Variants in FAM13B observed in about 807,000 individuals in gnomAD.
FAM13B encodes the protein protein FAM13B.
FAM13B carries 60 observed loss-of-function variants against 117.3 expected under a neutral mutation model. The ratio of observed to expected loss-of-function variants is 0.51; its 90% CI spans 0.42 to 0.63. The LOEUF is 0.63. FAM13B is among the 30% of genes least tolerant of loss of function. FAM13B has a pLI of 0.00. For synonymous variants in FAM13B, 332 were observed against 356.1 expected (o/e 0.93, Z 0.76); for missense variants, 972 against 1,091.9 (o/e 0.89, Z 1.55).
chr5:138,022,853 G>A (rs1483978690), intron 1 of FAM13B, among the ~76,000 whole-genome samples: 1 of 150,100 alleles, frequency 6.7e-6, no homozygotes, highest in African/African-American at 2.5e-5. Flanking sequence ...TTTCGAGACA[G>A]GGTCTCACTC....
chr5:138,011,568 C>T (rs959466329), intron 5 of FAM13B, among the ~76,000 whole-genome samples, 200 bp downstream of exon 5: 1 of 151,924 alleles, frequency 6.6e-6, no homozygotes, highest in South Asian at 2.1e-4. Flanking sequence ...TACAGGCACC[C>T]GCCACCATGC....
chr5:138,002,397 G>A (rs1380935584), intron 7 of FAM13B, among the ~76,000 whole-genome samples: 1 of 151,866 alleles, frequency 6.6e-6, no homozygotes, highest in Non-Finnish European at 1.5e-5. Flanking sequence ...CAGGCATGGT[G>A]GTGGGCGCCT....
chr5:138,022,379 C>T (rs1036989461), intron 1 of FAM13B, among the ~76,000 whole-genome samples: 2 of 152,146 alleles, frequency 1.3e-5, no homozygotes, highest in Non-Finnish European at 2.9e-5. Context: ...TTTTAATAAG[C>T]TCAGTAAACT....
intron 23 of FAM13B, among the ~76,000 whole-genome samples, chr5:137,941,054 C>T (rs1249282075): frequency 6.6e-6 from 1 of 152,018 alleles, no homozygotes; most frequent in African/African-American, 2.4e-5. Context: ...TACAGGTGCC[C>T]GCCACCACGC....
At chr5:138,019,284 G>T in intron 2 of FAM13B, 138 bp from the exon 3 acceptor site, 1 of 685,166 alleles carries the variant, frequency 1.5e-6, no homozygotes, top group Non-Finnish European at 2.4e-6. Flanking sequence ...CCCATAGTGT[G>T]TTCTACAGAT....
At chr5:137,953,998 T>C (rs2150225269) in intron 15 of FAM13B, among the ~76,000 whole-genome samples, 168 bp downstream of exon 15, 1 of 151,026 alleles carries the variant, frequency 6.6e-6, no homozygotes, top group East Asian at 1.9e-4. Context: ...ATAAAATCAG[T>C]GAGAAAGCTC....
At chr5:138,028,235 G>T (rs1271787749) in intron 1 of FAM13B, among the ~76,000 whole-genome samples, 1 of 152,184 alleles carries the variant, frequency 6.6e-6, no homozygotes, top group Non-Finnish European at 1.5e-5. Context: ...AAAAAAAAGA[G>T]TAGAAGCTAT....
rs1011884563 is a variant in FAM13B at position 137,962,466 on chromosome 5, C to T, written c.1183G>A (p.Val395Ile). Residue 395 changes from valine (V) to isoleucine (I), a missense_variant, in exon 11 of 24, where the codon GTA (valine) becomes ATA (isoleucine). By Grantham distance (29) the Val-to-Ile change is conservative. Coordinates refer to ENST00000689681, the MANE Select transcript of FAM13B (RefSeq NM_001385994.1). Reference protein sequence around the residue: ...VFENEENTQSVGILLEPCSDR... With the variant: ...VFENEENTQSIGILLEPCSDR... ...CTGCATGGCTCTAACAATATACCTA[C>T]AGACTGACAAAAAGAACACTACCAT... The T allele has an allele frequency of 1.9e-6, 3 of 1,613,092 alleles. No homozygotes were observed. Among genetic ancestry groups the T allele is most frequent in the African/African-American group, 2.7e-5 (2 of 74,894 alleles).
At chr5:138,010,748 A>G (rs947736849) in intron 6 of FAM13B, among the ~76,000 whole-genome samples, 1 of 152,100 alleles carries the variant, frequency 6.6e-6, no homozygotes, top group Non-Finnish European at 1.5e-5. Context: ...AAAATAAACA[A>G]TAGGAAAAGA....
chr5:137,985,441 C>G, intron 9 of FAM13B, 52 bp from the exon 10 acceptor site: 1 of 1,538,578 alleles, frequency 6.5e-7, no homozygotes, highest in South Asian at 1.2e-5. Flanking sequence ...GTGTGTAATG[C>G]CTTTACTTTA....
At chr5:138,005,224 G>A (rs1006400152) in intron 7 of FAM13B, among the ~76,000 whole-genome samples, 2 of 152,206 alleles carry the variant, frequency 1.3e-5, no homozygotes, top group African/African-American at 4.8e-5. Flanking sequence ...GTGACAGGGT[G>A]AGACTCTGGT....
At chr5:137,943,938 T>G (rs2150129328) in intron 20 of FAM13B, among the ~76,000 whole-genome samples, 1 of 152,298 alleles carries the variant, frequency 6.6e-6, no homozygotes, top group Non-Finnish European at 1.5e-5. Flanking sequence ...TTTTAGTATA[T>G]TTACCAAGTT....
intron 1 of FAM13B, among the ~76,000 whole-genome samples, chr5:138,031,916 G>C (rs1280527252): frequency 6.6e-6 from 1 of 152,110 alleles, no homozygotes; most frequent in Non-Finnish European, 1.5e-5. Flanking sequence ...CTCTAAACAG[G>C]TGCACCCCAG....
rs761221584 is a variant in FAM13B at position 137,946,221 on chromosome 5, A to G, written c.2244+7T>C. 2.4e-5 allele frequency: 38 copies of G among 1,575,770 alleles called. No homozygotes were observed. The highest frequency in any genetic ancestry group is 3.3e-5 in the Non-Finnish European group (38 of 1,163,852). On this transcript the variant is annotated splice_region_variant and intron_variant, in intron 19 of 23. Coordinates refer to ENST00000689681, the MANE Select transcript of FAM13B (RefSeq NM_001385994.1). ...AAATCAAATCTTTTTAGCAAGAGAG[A>G]TATTACCGGCCTTCCATGTTGACTT...
chr5:137,956,661 G>C (rs1766647608), intron 13 of FAM13B, 119 bp from the exon 14 acceptor site: 1 of 484,742 alleles, frequency 2.1e-6, no homozygotes, highest in African/African-American at 2.0e-5. Context: ...AACCAGTTAG[G>C]CATTCTGTTC....
chr5:137,945,123 A>G (rs1422799275), intron 20 of FAM13B, among the ~76,000 whole-genome samples: 2 of 152,192 alleles, frequency 1.3e-5, no homozygotes, highest in African/African-American at 4.8e-5. Flanking sequence ...AAAAAAAGAA[A>G]GTCACCAGGC....
intron 7 of FAM13B, among the ~76,000 whole-genome samples, chr5:137,999,752 A>C (rs757904870): frequency 1.3e-5 from 2 of 152,224 alleles, no homozygotes; most frequent in South Asian, 2.1e-4. Flanking sequence ...TCTGAGATCA[A>C]GGCAGCAGCA....
At chr5:138,047,233 G>A (rs1021610747) in intron 1 of FAM13B, among the ~76,000 whole-genome samples, 8 of 151,872 alleles carry the variant, frequency 5.3e-5, no homozygotes, top group Admixed American at 6.6e-5. Flanking sequence ...CAGACCGGGC[G>A]CGGTGGCTCA....
At position 137,997,304 on chromosome 5, in the gene FAM13B, C is replaced by G. The variant is rs113432437; in HGVS notation, c.849-8989G>C. The stretch of plus-strand genomic sequence containing the variant: ...CCAACATGGTGAAACCCCATCTCTA[C>G]TAAAATTACAAAAAATTAGCTGGGC... On this transcript the variant is annotated intron_variant, in intron 7 of 23. Coordinates refer to ENST00000689681, the MANE Select transcript of FAM13B (RefSeq NM_001385994.1). 2.4e-4 allele frequency among the ~76,000 whole-genome samples: 36 copies of G among 152,122 alleles called. 3 individuals carry two copies. Among genetic ancestry groups the G allele is most frequent in the African/African-American group, 8.2e-4 (34 of 41,502 alleles).
Sources: allele counts gnomAD v4.1 joint callset (sites outside exome capture counted in the v4.1 genomes callset), GRCh38; gene constraint gnomAD v4.1.1; transcripts MANE v1.5; gene names NCBI Gene and HGNC (gene_info 2026-07-23, HGNC 2026-07-21).